The following WAC variants were observed in gnomAD, a reference collection of about 807,000 sequenced individuals.
WAC encodes the protein WW domain-containing adapter protein with coiled-coil.
A neutral mutation model predicts 79.6 loss-of-function variants in WAC; 11 were observed. That is an observed-to-expected ratio of 0.14 (90% CI 0.09 to 0.23). The LOEUF (loss-of-function observed/expected upper bound fraction) is 0.23. WAC is among the 10% of genes least tolerant of loss of function. WAC has a pLI of 1.00. For missense variants in WAC, 728 were observed against 773.5 expected (o/e 0.94, Z 0.70); for synonymous variants, 304 against 276.9 (o/e 1.10, Z -0.97).
At chr10:28,619,441 C>A in intron 13 of WAC, 96 bp from the exon 14 acceptor site, 1 of 904,562 alleles carries the variant, frequency 1.1e-6, no homozygotes, top group Non-Finnish European at 1.6e-6. Context: ...TTAGAAATCA[C>A]TTGTTTTAAT....
intron 3 of WAC, 39 bp from the exon 4 acceptor site, chr10:28,583,360 A>G: frequency 1.4e-6 from 2 of 1,417,406 alleles, no homozygotes; most frequent in Non-Finnish European, 1.9e-6. Context: ...CATGAAATAC[A>G]GTTTACTTGT....
At chr10:28,558,381 TTA>T (rs1838115450) in intron 3 of WAC, among the ~76,000 whole-genome samples, 1 of 152,136 alleles carries the variant, frequency 6.6e-6, no homozygotes, top group South Asian at 2.1e-4. Context: ...CGCAAAGAAA[TTA>T]TTTGATTTCT....
chr10:28,594,316 ATAT>A (rs1191713100), intron 6 of WAC, among the ~76,000 whole-genome samples: 2 of 152,166 alleles, frequency 1.3e-5, no homozygotes, highest in Non-Finnish European at 2.9e-5. Context: ...GTTGGGCATG[ATAT>A]TATTCCTGCT....
intron 3 of WAC, among the ~76,000 whole-genome samples, chr10:28,580,916 T>TAATA (rs932968363): frequency 5.2e-4 from 79 of 152,296 alleles, no homozygotes; most frequent in African/African-American, 1.9e-3. Context: ...GACTGTGACT[T>TAATA]ACTACAGTGG....
At chr10:28,590,674 G>A in intron 5 of WAC, 46 bp from the exon 6 acceptor site, 1 of 1,482,944 alleles carries the variant, frequency 6.7e-7, no homozygotes, top group Non-Finnish European at 9.1e-7. Context: ...GGAAACTCAT[G>A]CCCTTAATGT....
At chr10:28,534,729 T>G (rs894659339) in intron 2 of WAC, among the ~76,000 whole-genome samples, 1 of 152,264 alleles carries the variant, frequency 6.6e-6, no homozygotes, top group Non-Finnish European at 1.5e-5. Context: ...ATCAGATGAC[T>G]GCAGAAAACA....
chr10:28,593,738 AAAAAAT>A (rs913564581), intron 6 of WAC, among the ~76,000 whole-genome samples: 13 of 152,260 alleles, frequency 8.5e-5, no homozygotes, highest in African/African-American at 3.1e-4. Flanking sequence ...CTCAAAAAAA[AAAAAAT>A]AAAATATTTT....
At chr10:28,559,135 G>GTGTGTGTGTGT (rs750941388) in intron 3 of WAC, among the ~76,000 whole-genome samples, 3 of 64,804 alleles carry the variant, frequency 4.6e-5, no homozygotes, top group African/African-American at 1.5e-4. Context: ...CGAGAAACCT[G>GTGTGTGTGTGT]ATGTGTGTGT....
chr10:28,539,593 G>A (rs1836890176), intron 3 of WAC, among the ~76,000 whole-genome samples: 1 of 150,442 alleles, frequency 6.6e-6, no homozygotes, highest in African/African-American at 2.5e-5. Flanking sequence ...TCTGGAGACA[G>A]AGTTGCCCAG....
rs1430099352 is a variant in WAC, at chr10:28,619,852, C to G, written c.*246C>G. On this transcript the variant is annotated 3_prime_UTR_variant, in exon 14 of 14. Coordinates refer to ENST00000354911, the MANE Select transcript of WAC (RefSeq NM_016628.5). ...GTAAATATGTTTTGTAGAGTGAAGC[C>G]ATGGGAAGCCATGTGTAACAGAGCT... 1 of 322,688 alleles carries G rather than the reference C, an allele frequency of 3.1e-6. No homozygotes were observed. Among genetic ancestry groups the G allele is most frequent in the Non-Finnish European group, 5.6e-6 (1 of 179,108 alleles). 20.0% of individuals were successfully genotyped at this position (322,688 alleles called of 1,614,324 possible). A position where few individuals can be genotyped will look rare whatever the true frequency, so the allele number is the denominator to read the frequency against.
chr10:28,554,147 G>T (rs190293315), intron 3 of WAC, among the ~76,000 whole-genome samples: 13 of 152,254 alleles, frequency 8.5e-5, no homozygotes, highest in African/African-American at 3.1e-4. Context: ...GGATTTATAG[G>T]CATGAACTGC....
chr10:28,607,163 A>G (rs1053807523), intron 7 of WAC, among the ~76,000 whole-genome samples: 2 of 152,154 alleles, frequency 1.3e-5, no homozygotes, highest in Non-Finnish European at 2.9e-5. Context: ...ACTACTTTGA[A>G]TATAATTGTT....
chr10:28,551,429 C>T (rs1281343127), intron 3 of WAC, among the ~76,000 whole-genome samples: 1 of 152,170 alleles, frequency 6.6e-6, no homozygotes, highest in East Asian at 1.9e-4. Context: ...TACAAGTAAA[C>T]CGATTGAAAG....
At chr10:28,561,226 C>T (rs1838284840) in intron 3 of WAC, among the ~76,000 whole-genome samples, 1 of 152,114 alleles carries the variant, frequency 6.6e-6, no homozygotes, top group Non-Finnish European at 1.5e-5. Flanking sequence ...ATATTGATGG[C>T]CAAGTTACAC....
At chr10:28,534,156 G>C (rs1836477135) in intron 2 of WAC, 122 bp downstream of exon 2, 7 of 951,286 alleles carry the variant, frequency 7.4e-6, no homozygotes, top group Non-Finnish European at 1.1e-5. Context: ...TCTGAAACTA[G>C]CACCGCGGAT....
chr10:28,600,954 T>C (rs1485403067), intron 7 of WAC, among the ~76,000 whole-genome samples: 1 of 146,584 alleles, frequency 6.8e-6, no homozygotes, highest in Non-Finnish European at 1.5e-5. Context: ...CGAGAATGGA[T>C]CAAAGACCTA....
intron 3 of WAC, among the ~76,000 whole-genome samples, chr10:28,574,468 T>C (rs1839142214): frequency 6.6e-6 from 1 of 151,822 alleles, no homozygotes; most frequent in Non-Finnish European, 1.5e-5. Flanking sequence ...TTTGAGACAG[T>C]GTCTCATTCT....
At chr10:28,535,318 A>G (rs1025722431) in intron 2 of WAC, 1 of 349,108 alleles carries the variant, frequency 2.9e-6, no homozygotes, top group Non-Finnish European at 5.1e-6. Context: ...AAGGTGGTTT[A>G]TAAGATAATG....
At chr10:28,541,918 C>CATTG in intron 3 of WAC, among the ~76,000 whole-genome samples, 1 of 152,122 alleles carries the variant, frequency 6.6e-6, no homozygotes, top group Non-Finnish European at 1.5e-5. Flanking sequence ...CACACAGTAG[C>CATTG]CAGAGTGATC....
Sources: gnomAD v4.1 joint callset for allele counts (sites outside exome capture counted in the v4.1 genomes callset) on GRCh38, gnomAD v4.1.1 for gene constraint, MANE v1.5 for transcripts, NCBI Gene and HGNC (gene_info 2026-07-23, HGNC 2026-07-21) for gene names.